The following CAPZA1 variants were observed in gnomAD, a reference collection of about 807,000 sequenced individuals.
CAPZA1 encodes the protein capping actin protein of muscle Z-line subunit alpha 1.
Under a neutral mutation model 40.8 loss-of-function variants are expected in CAPZA1, and 10 were observed. The ratio of observed to expected loss-of-function variants is 0.25; its 90% confidence interval spans 0.15 to 0.42. The LOEUF is 0.42. Among genes scored for constraint, CAPZA1 ranks in the 10% least tolerant of loss-of-function variants. CAPZA1 has a pLI of 1.00. For missense variants in CAPZA1, 277 were observed against 353.8 expected (o/e 0.78, Z 1.74); for synonymous variants, 98 against 115.0 (o/e 0.85, Z 0.95).
intron 1 of CAPZA1, among the ~76,000 whole-genome samples, chr1:112,622,070 T>G (rs1670688337): frequency 1.3e-5 from 2 of 152,290 alleles, no homozygotes; most frequent in South Asian, 4.1e-4. Flanking sequence ...CAGTATTGTT[T>G]TTTTTAATAG....
At chr1:112,638,863 A>G (rs1009908051) in intron 1 of CAPZA1, among the ~76,000 whole-genome samples, 6 of 147,902 alleles carry the variant, frequency 4.1e-5, no homozygotes, top group Non-Finnish European at 8.8e-5. Flanking sequence ...AGATCATGCC[A>G]CTGCACTCCG....
intron 7 of CAPZA1, among the ~76,000 whole-genome samples, chr1:112,663,442 G>A (rs1003417765): frequency 6.6e-6 from 1 of 152,116 alleles, no homozygotes; most frequent in Admixed American, 6.5e-5. Context: ...CATCTTTGCT[G>A]TTCTGATTTT....
chr1:112,647,176 A>C (rs754610121), intron 1 of CAPZA1, 34 bp from the exon 2 acceptor site: 2 of 1,115,848 alleles, frequency 1.8e-6, no homozygotes, highest in Non-Finnish European at 2.5e-6. Flanking sequence ...TACTCTTCAT[A>C]ATTCTCCTAA....
At chr1:112,643,905 C>T (rs1027046714) in intron 1 of CAPZA1, among the ~76,000 whole-genome samples, 24 of 150,476 alleles carry the variant, frequency 1.6e-4, no homozygotes, top group South Asian at 4.1e-4. Context: ...ATTGCAGTGG[C>T]GGGATCTCGG....
intron 8 of CAPZA1, among the ~76,000 whole-genome samples, chr1:112,668,189 C>T (rs1671763950): frequency 6.6e-6 from 1 of 152,126 alleles, no homozygotes; most frequent in African/African-American, 2.4e-5. Context: ...GTGGGAGGAT[C>T]ACCTCAGCCC....
chr1:112,641,718 A>G (rs560849054), intron 1 of CAPZA1, among the ~76,000 whole-genome samples: 6 of 152,120 alleles, frequency 3.9e-5, no homozygotes, highest in African/African-American at 1.4e-4. Flanking sequence ...GTGAAACCCC[A>G]TGTCTACTAA....
At chr1:112,634,032 A>T (rs1670971453) in intron 1 of CAPZA1, among the ~76,000 whole-genome samples, 1 of 151,340 alleles carries the variant, frequency 6.6e-6, no homozygotes, top group East Asian at 1.9e-4. Flanking sequence ...CCAGTCACTT[A>T]GTTGTCTCCT....
intron 3 of CAPZA1, among the ~76,000 whole-genome samples, chr1:112,652,884 A>G (rs1671422290): frequency 6.6e-6 from 1 of 152,156 alleles, no homozygotes; most frequent in South Asian, 2.1e-4. Flanking sequence ...CTTTGGACAA[A>G]TAGTAATATT....
intron 1 of CAPZA1, among the ~76,000 whole-genome samples, chr1:112,624,051 C>G (rs1670747789): frequency 6.8e-6 from 1 of 147,792 alleles, no homozygotes; most frequent in Non-Finnish European, 1.5e-5. Flanking sequence ...AATCCTAGGA[C>G]AGGAGCATAA....
At chr1:112,668,088 C>T (rs563330612) in intron 8 of CAPZA1, among the ~76,000 whole-genome samples, 28 of 151,912 alleles carry the variant, frequency 1.8e-4, no homozygotes, top group African/African-American at 6.5e-4. Context: ...AGTTCAAGAC[C>T]AGCCTGAGCA....
intron 7 of CAPZA1, among the ~76,000 whole-genome samples, chr1:112,660,085 T>TAA (rs1384117117): frequency 1.4e-4 from 21 of 152,016 alleles, no homozygotes; most frequent in Admixed American, 7.9e-4. Context: ...ATAATAATAA[T>TAA]TATTATTTTT....
intron 1 of CAPZA1, among the ~76,000 whole-genome samples, chr1:112,627,123 C>T (rs1414887754): frequency 2.6e-5 from 4 of 152,096 alleles, no homozygotes; most frequent in Non-Finnish European, 2.9e-5. Flanking sequence ...AATATATGAC[C>T]CAAGTGTCCA....
chr1:112,656,440 ATTTTTTTTT>A (rs56343358), intron 5 of CAPZA1, among the ~76,000 whole-genome samples: 461 of 45,764 alleles, frequency 0.01, 9 homozygotes, highest in Middle Eastern at 0.1. Flanking sequence ...ATTATGTTTG[ATTTTTTTTT>A]TTTTTTTTTT....
At chr1:112,660,392 T>C (rs949443723) in intron 7 of CAPZA1, among the ~76,000 whole-genome samples, 1 of 152,332 alleles carries the variant, frequency 6.6e-6, no homozygotes, top group East Asian at 1.9e-4. Context: ...GTGATTCTCC[T>C]GCCTCGGCCT....
At position 112,663,008 on chromosome 1, in the gene CAPZA1, A is replaced by G. The variant is rs369982928; in HGVS notation, c.585+3229A>G. Among the ~76,000 whole-genome samples, 6 of 151,910 alleles carry G rather than the reference A, an allele frequency of 3.9e-5. No homozygotes were observed. The East Asian group carries it at 7.7e-4, about 20-fold the overall frequency. ...TGAGATGGAGTCTTGCTCTGTCGCC[A>G]GGCTGGAGTGCAGTGACACGACCTT... On this transcript the variant is annotated intron_variant, in intron 7 of 9. Coordinates refer to ENST00000263168, the MANE Select transcript of CAPZA1 (RefSeq NM_006135.3).
rs1252854681 is a variant in CAPZA1 at position 112,659,037 on chromosome 1, A to G, written c.442A>G (p.Ile148Val). 6.2e-7 allele frequency: 1 copy of G among 1,613,294 alleles called. No homozygotes were observed. ...NGFCTVYAKT[I>V]DGQQTIIACI... ...CCAACAATAGGTTTATGCTAAAACT[A>G]TCGATGGGCAACAGACTATTATTGC... is the stretch of plus-strand genomic sequence containing the variant. The change falls in exon 6 of 10, where the codon ATC becomes GTC. Residue 148 changes from isoleucine (I) to valine (V), a missense_variant. Around this residue, in one of 2 missense-constraint regions of CAPZA1, gnomAD observed 192 missense variants for 277.2 expected, o/e 0.69. Coordinates refer to ENST00000263168, the MANE Select transcript of CAPZA1 (RefSeq NM_006135.3).
intron 1 of CAPZA1, among the ~76,000 whole-genome samples, chr1:112,645,469 T>G (rs1168978837): frequency 6.6e-6 from 1 of 151,726 alleles, no homozygotes; most frequent in Admixed American, 6.6e-5. Flanking sequence ...TGCAGAAAAT[T>G]AAAATTTTTT....
chr1:112,662,436 T>A (rs1044885618), intron 7 of CAPZA1, among the ~76,000 whole-genome samples: 1 of 145,048 alleles, frequency 6.9e-6, no homozygotes, highest in East Asian at 2.1e-4. Context: ...TCTCGCTCTG[T>A]TGCCCAGGAT....
intron 1 of CAPZA1, among the ~76,000 whole-genome samples, chr1:112,639,145 AATAAC>A (rs1248114455): frequency 6.6e-6 from 1 of 152,064 alleles, no homozygotes; most frequent in Non-Finnish European, 1.5e-5. Context: ...ACTGTCAGGA[AATAAC>A]ATAGGATTCC....
Sources: allele counts gnomAD v4.1 joint callset (sites outside exome capture counted in the v4.1 genomes callset), GRCh38; gene constraint gnomAD v4.1.1; regional missense constraint gnomAD v4.1.1; transcripts MANE v1.5; gene names NCBI Gene and HGNC (gene_info 2026-07-23, HGNC 2026-07-21).